The following UBL3 variants were observed in gnomAD, a reference collection of about 807,000 sequenced individuals.
UBL3 encodes the protein ubiquitin like 3.
A neutral mutation model predicts 18.4 loss-of-function variants in UBL3; 6 were observed. That is an observed-to-expected ratio of 0.33 (90% CI 0.18 to 0.64). The LOEUF (loss-of-function observed/expected upper bound fraction) is 0.64. Among genes scored for constraint, UBL3 ranks in the 30% least tolerant of loss-of-function variants. The pLI, the probability that UBL3 is intolerant of heterozygous loss-of-function variation, is 0.76. For missense variants in UBL3, 109 were observed against 142.9 expected (o/e 0.76, Z 1.21); for synonymous variants, 49 against 46.6 (o/e 1.05, Z -0.21).
At chr13:29,802,599 T>C (rs763911146) in intron 1 of UBL3, among the ~76,000 whole-genome samples, 10 of 152,170 alleles carry the variant, frequency 6.6e-5, no homozygotes, top group Non-Finnish European at 1.3e-4. Context: ...GTGGTCATTA[T>C]AAGAAATGAC....
rs111480972 is a variant in UBL3, at chr13:29,809,831, C to T, written c.28-32568G>A. Among the ~76,000 whole-genome samples the T allele has an allele frequency of 2.8e-3, 428 of 152,216 alleles. 1 individual carries two copies. The highest frequency in any genetic ancestry group is 9.8e-3 in the African/African-American group (409 of 41,540). ...CTGATCTAAAATAACACAGTATTTC[C>T]ATATAACCTAGCACATCCTCCTATA... On this transcript the variant is annotated intron_variant, in intron 1 of 4. Transcript: ENST00000380680.
intron 1 of UBL3, among the ~76,000 whole-genome samples, chr13:29,783,321 CA>C (rs1877226726): frequency 6.6e-6 from 1 of 152,178 alleles, no homozygotes; most frequent in African/African-American, 2.4e-5. Flanking sequence ...GTCTACTTTT[CA>C]AACGGACTAG....
chr13:29,823,941 A>C (rs1490188482), intron 1 of UBL3, among the ~76,000 whole-genome samples: 1 of 144,938 alleles, frequency 6.9e-6, no homozygotes, highest in Non-Finnish European at 1.5e-5. Context: ...CCCACCTATG[A>C]GTGAGAACAT....
intron 4 of UBL3, 47 bp from the exon 5 acceptor site, chr13:29,767,354 G>C: frequency 6.2e-7 from 1 of 1,608,982 alleles, no homozygotes; most frequent in South Asian, 1.1e-5. Context: ...TCTAGAACTG[G>C]AGGGGAAAAT....
chr13:29,775,376 T>G (rs1036019678), intron 2 of UBL3, among the ~76,000 whole-genome samples: 1 of 152,208 alleles, frequency 6.6e-6, no homozygotes, highest in African/African-American at 2.4e-5. Context: ...ATTATCTTCC[T>G]CTAGAAAAGC....
chr13:29,771,555 AGGTT>A (rs1019746931), intron 3 of UBL3, among the ~76,000 whole-genome samples: 3 of 152,090 alleles, frequency 2.0e-5, no homozygotes, highest in African/African-American at 7.2e-5. Flanking sequence ...ACTGGAACAC[AGGTT>A]GGTTAAGTCA....
chr13:29,828,658 A>G (rs1221046885), intron 1 of UBL3, among the ~76,000 whole-genome samples: 1 of 152,174 alleles, frequency 6.6e-6, no homozygotes, highest in Non-Finnish European at 1.5e-5. Context: ...GATCATCTGA[A>G]GCCTTCTTCT....
chr13:29,777,729 CT>C (rs1250449978), intron 1 of UBL3, among the ~76,000 whole-genome samples: 1 of 151,914 alleles, frequency 6.6e-6, no homozygotes, highest in Non-Finnish European at 1.5e-5. Context: ...AGTTTTTTTC[CT>C]ATGAAAATTA....
intron 1 of UBL3, among the ~76,000 whole-genome samples, chr13:29,781,592 C>T (rs181776770): frequency 1.1e-3 from 171 of 151,816 alleles, no homozygotes; most frequent in Non-Finnish European, 1.4e-3. Context: ...GGTGGGGGAA[C>T]GCTGATAATA....
chr13:29,823,038 T>C (rs1244413317), intron 1 of UBL3, among the ~76,000 whole-genome samples: 2 of 152,254 alleles, frequency 1.3e-5, no homozygotes, highest in Non-Finnish European at 2.9e-5. Context: ...TTATTTTCCT[T>C]AAAATGTTTT....
chr13:29,790,072 A>G (rs1303290231), intron 1 of UBL3, among the ~76,000 whole-genome samples: 1 of 152,230 alleles, frequency 6.6e-6, no homozygotes, highest in Non-Finnish European at 1.5e-5. Flanking sequence ...TGGCTAGAAA[A>G]TAAGATCATT....
At chr13:29,845,670 A>G (rs993162906) in intron 1 of UBL3, among the ~76,000 whole-genome samples, 2 of 152,086 alleles carry the variant, frequency 1.3e-5, no homozygotes, top group Non-Finnish European at 2.9e-5. Flanking sequence ...GATATAACAA[A>G]AGTTACAATA....
intron 1 of UBL3, among the ~76,000 whole-genome samples, chr13:29,845,516 T>C (rs1212254587): frequency 1.3e-5 from 2 of 152,106 alleles, no homozygotes; most frequent in Non-Finnish European, 2.9e-5. Flanking sequence ...CCTTTTCCTT[T>C]CATGGCATTT....
chr13:29,824,677 G>C (rs1450780949), intron 1 of UBL3, among the ~76,000 whole-genome samples: 1 of 152,182 alleles, frequency 6.6e-6, no homozygotes, highest in African/African-American at 2.4e-5. Flanking sequence ...TCTGGTGGTA[G>C]TTTCTTTTGC....
chr13:29,831,023 G>C (rs1013745891), intron 1 of UBL3, among the ~76,000 whole-genome samples: 2 of 151,850 alleles, frequency 1.3e-5, no homozygotes, highest in Non-Finnish European at 2.9e-5. Context: ...TGACAATCCA[G>C]CATTTTTTTT....
At chr13:29,829,183 C>T (rs928779704) in intron 1 of UBL3, among the ~76,000 whole-genome samples, 1 of 152,144 alleles carries the variant, frequency 6.6e-6, no homozygotes, top group African/African-American at 2.4e-5. Context: ...ATCTGAAACT[C>T]CGTGCTGGGA....
At chr13:29,837,374 A>G (rs143557821) in intron 1 of UBL3, among the ~76,000 whole-genome samples, 28 of 152,346 alleles carry the variant, frequency 1.8e-4, no homozygotes, top group African/African-American at 6.0e-4. Context: ...AAATACAAAA[A>G]CTAAAATTAA....
intron 1 of UBL3, among the ~76,000 whole-genome samples, chr13:29,792,228 T>C (rs1288190239): frequency 2.0e-5 from 3 of 152,302 alleles, no homozygotes; most frequent in Admixed American, 6.5e-5. Flanking sequence ...ACTGGACACT[T>C]CGTGTATAAC....
At chr13:29,780,904 T>G (rs891457839) in intron 1 of UBL3, among the ~76,000 whole-genome samples, 1 of 152,196 alleles carries the variant, frequency 6.6e-6, no homozygotes, top group Non-Finnish European at 1.5e-5. Flanking sequence ...CCAGGCGCGG[T>G]GGCTCACGCC....
Sources: allele counts gnomAD v4.1 joint callset (sites outside exome capture counted in the v4.1 genomes callset), GRCh38; gene constraint gnomAD v4.1.1; transcripts MANE v1.5; gene names NCBI Gene and HGNC (gene_info 2026-07-23, HGNC 2026-07-21).